Variants in HNRNPM observed in about 807,000 individuals in gnomAD.
The protein encoded by HNRNPM is heterogeneous nuclear ribonucleoprotein M, also known as CEA receptor.
A neutral mutation model predicts 73.1 loss-of-function variants in HNRNPM; 11 were observed. That is an observed-to-expected ratio of 0.15 (90% CI 0.09 to 0.25). The LOEUF is 0.25. Ranked by LOEUF, HNRNPM falls within the 10% of genes least tolerant of loss-of-function variation. The pLI is 1.00. For synonymous variants in HNRNPM, 407 were observed against 355.2 expected, an observed-to-expected ratio of 1.15 and a Z score of -1.64; for missense variants, 789 against 1,067.9, an observed-to-expected ratio of 0.74 and a Z score of 3.64.
intron 13 of HNRNPM, among the ~76,000 whole-genome samples, chr19:8,483,586 A>G (rs1011264187): frequency 6.6e-6 from 1 of 152,214 alleles, no homozygotes; most frequent in African/African-American, 2.4e-5. Context: ...AGACTTGATG[A>G]TAAGACTGAA....
chr19:8,470,826 A>G (rs1970077193), intron 9 of HNRNPM, among the ~76,000 whole-genome samples: 1 of 152,170 alleles, frequency 6.6e-6, no homozygotes, highest in African/African-American at 2.4e-5. Context: ...GGGGGAAGGA[A>G]GATAGGTTCT....
chr19:8,479,865 C>T (rs1425628328), intron 12 of HNRNPM, among the ~76,000 whole-genome samples: 1 of 149,486 alleles, frequency 6.7e-6, no homozygotes, highest in Non-Finnish European at 1.5e-5. Flanking sequence ...AGCTCTGCCC[C>T]TCCAGGTTTA....
At chr19:8,473,142 C>T (rs1204444037) in intron 10 of HNRNPM, among the ~76,000 whole-genome samples, 2 of 152,028 alleles carry the variant, frequency 1.3e-5, no homozygotes, top group Non-Finnish European at 2.9e-5. Flanking sequence ...ACTTGGGAGG[C>T]TGAGGCAAGA....
intron 1 of HNRNPM, chr19:8,445,449 C>G (rs1281540803): frequency 4.6e-6 from 1 of 218,512 alleles, no homozygotes; most frequent in African/African-American, 2.3e-5. Context: ...CCGACCGCTC[C>G]CCGGGAGGGT....
In HNRNPM at chr19:8,485,781, C is replaced by G. The variant is rs1400923063; in HGVS notation, c.1353C>G (p.Gly451=). The change falls in exon 14 of 16, where the codon GGC becomes GGG. Residue 451 remains glycine, a synonymous_variant. Coordinates refer to ENST00000325495, the MANE Select transcript of HNRNPM (RefSeq NM_005968.5). ...GCATGGGCTCCGTGGAGCGCATGGG[C>G]TCCGGCATTGAGCGCATGGGCCCGC... ...MDRMGSVERM[G]SGIERMGPLG... 3.1e-6 allele frequency: 5 copies of G among 1,603,418 alleles called. No homozygotes were observed. In the South Asian group the frequency reaches 4.4e-5, roughly 14 times the overall value.
At chr19:8,455,683 T>C in intron 2 of HNRNPM, 109 bp downstream of exon 2, 1 of 790,316 alleles carries the variant, frequency 1.3e-6, no homozygotes, top group South Asian at 1.9e-5. Context: ...GTAGAGCATG[T>C]TCTTTCCAGG....
chr19:8,485,912 A>G lies in HNRNPM; in HGVS notation c.1484A>G (p.Glu495Gly). 2 of 1,600,914 alleles carry G rather than the reference A, an allele frequency of 1.2e-6. No homozygotes were observed. The highest frequency in any genetic ancestry group is 1.7e-6 in the Non-Finnish European group (2 of 1,178,846). Residue 495 changes from glutamate (E) to glycine (G), a missense_variant, in exon 14 of 16, where the codon GAG (glutamate) becomes GGG (glycine). Around this residue, in one of 4 missense-constraint regions of HNRNPM, gnomAD observed 604 missense variants for 744.0 expected, o/e 0.81. Transcript: ENST00000325495. ...RMGAGMGFGL[E>G]RMAAPIDRVG... ...GGTGCCGGCATGGGCTTCGGCCTTG[A>G]GCGCATGGCCGCTCCCATCGACCGT... is the stretch of plus-strand genomic sequence containing the variant.
chr19:8,461,848 A>G (rs948320313), intron 2 of HNRNPM: 5 of 152,206 alleles, frequency 3.3e-5, no homozygotes, highest in African/African-American at 1.2e-4. Context: ...CTGCCTCTAC[A>G]GATGTGGAGC....
At chr19:8,466,474 C>CT in intron 7 of HNRNPM, 86 bp downstream of exon 7, 5 of 1,321,422 alleles carry the variant, frequency 3.8e-6, no homozygotes, top group Non-Finnish European at 4.4e-6. Flanking sequence ...GAAGAGGTGA[C>CT]TGTGTGTATT....
chr19:8,455,735 T>G (rs1340863422), intron 2 of HNRNPM, among the ~76,000 whole-genome samples, 161 bp downstream of exon 2: 1 of 147,444 alleles, frequency 6.8e-6, no homozygotes, highest in African/African-American at 2.5e-5. Context: ...GTTTTTTTTT[T>G]TTGTTTTGTG....
intron 5 of HNRNPM, chr19:8,463,986 TACTCCATCTG>T (rs946858635): frequency 3.4e-6 from 1 of 298,212 alleles, no homozygotes; most frequent in African/African-American, 2.1e-5. Context: ...CATTAAGTTT[TACTCCATCTG>T]ACCCTTCTTC....
Position 8,485,882 on chromosome 19 carries a change from G to T in HNRNPM, c.1454G>T (p.Arg485Leu). The T allele has an allele frequency of 6.2e-7, 1 of 1,604,664 alleles. No homozygotes were observed. Among genetic ancestry groups the T allele is most frequent in the Non-Finnish European group, 8.5e-7 (1 of 1,179,654 alleles). The change falls in exon 14 of 16, where the codon CGC becomes CTC. Residue 485 changes from arginine (R) to leucine (L), a missense_variant. This residue lies in a region of HNRNPM where 604 missense variants were observed against 744.0 expected (regional missense o/e 0.81). Transcript: ENST00000325495. ...TMERIGSGVE[R>L]MGAGMGFGLE... ...GAGCGCATTGGCTCTGGCGTGGAGCGCATGGGTGCCGGCATGGGCTTCGGC... is the reference window on the plus strand; with the variant it reads ...GAGCGCATTGGCTCTGGCGTGGAGCTCATGGGTGCCGGCATGGGCTTCGGC...
chr19:8,485,559 C>T (rs758539395), intron 13 of HNRNPM, 44 bp from the exon 14 acceptor site: 3 of 1,566,814 alleles, frequency 1.9e-6, no homozygotes, highest in Non-Finnish European at 2.6e-6. Flanking sequence ...CACACGCACA[C>T]TCAAGTTCTT....
chr19:8,465,058 C>T (rs551435648), intron 5 of HNRNPM, among the ~76,000 whole-genome samples: 3 of 152,270 alleles, frequency 2.0e-5, no homozygotes, highest in Non-Finnish European at 2.9e-5. Flanking sequence ...TGTTTCCCTC[C>T]CTACCCTGCT....
chr19:8,460,721 G>A (rs952656305), intron 2 of HNRNPM, among the ~76,000 whole-genome samples: 2 of 152,140 alleles, frequency 1.3e-5, no homozygotes, highest in African/African-American at 2.4e-5. Context: ...CTTGAATTTC[G>A]GCAACATGGT....
intron 14 of HNRNPM, 109 bp downstream of exon 14, chr19:8,486,514 C>A: frequency 1.2e-6 from 1 of 865,052 alleles, no homozygotes; most frequent in Non-Finnish European, 1.8e-6. Flanking sequence ...GGGACCACAC[C>A]TCCTTGCCAC....
chr19:8,465,789 T>C (rs1175915510), intron 6 of HNRNPM, among the ~76,000 whole-genome samples: 3 of 152,174 alleles, frequency 2.0e-5, no homozygotes, highest in African/African-American at 7.2e-5. Context: ...GTTTATTTTA[T>C]GCAGTTTTGG....
At position 8,485,879 on chromosome 19, in the gene HNRNPM, A is replaced by G; in HGVS notation, c.1451A>G (p.Glu484Gly). 6.2e-7 allele frequency: 1 copy of G among 1,602,008 alleles called. No individual in the cohort carries two copies. Among genetic ancestry groups the G allele is most frequent in the Non-Finnish European group, 8.5e-7 (1 of 1,179,336 alleles). Residue 484 changes from glutamate (E) to glycine (G), a missense_variant, in exon 14 of 16, where the codon GAG becomes GGG. Physicochemically the swap from Glu to Gly is moderately conservative, Grantham distance 98. Coordinates refer to ENST00000325495, the MANE Select transcript of HNRNPM (RefSeq NM_005968.5). ...ATGGAGCGCATTGGCTCTGGCGTGG[A>G]GCGCATGGGTGCCGGCATGGGCTTC... ...QTMERIGSGV[E>G]RMGAGMGFGL...
chr19:8,481,304 G>A (rs989926993), intron 12 of HNRNPM, among the ~76,000 whole-genome samples: 19 of 152,232 alleles, frequency 1.2e-4, no homozygotes, highest in African/African-American at 3.9e-4. Flanking sequence ...TGGTGGAGAC[G>A]TTGGTTGCCA....
Sources: gnomAD v4.1 joint callset for allele counts (sites outside exome capture counted in the v4.1 genomes callset) on GRCh38, gnomAD v4.1.1 for gene constraint, gnomAD v4.1.1 regional missense constraint, MANE v1.5 for transcripts, NCBI Gene and HGNC (gene_info 2026-07-23, HGNC 2026-07-21) for gene names.